FGD5: variants seen among roughly 807,000 people sequenced by gnomAD.
FGD5 encodes FYVE, RhoGEF and PH domain-containing protein 5.
A neutral mutation model predicts 133.4 loss-of-function variants in FGD5; 28 were observed. The observed-to-expected ratio is 0.21, with a 90% confidence interval of 0.16 to 0.29. FGD5 has a LOEUF of 0.29. Among genes scored for constraint, FGD5 ranks in the 10% least tolerant of loss-of-function variants. The pLI is 1.00. For missense variants in FGD5, 1,858 were observed against 1,895.2 expected (o/e 0.98, Z 0.36); for synonymous variants, 810 against 776.5 (o/e 1.04, Z -0.72).
Position 14,922,953 on chromosome 3 carries a change from G to T in FGD5, c.3808-93G>T. ...AACCTGGGGCTCCCTAGGGGCAGTT[G>T]TGGGTGGATTAGCAGAGGGAGCGGA... On this transcript the variant is annotated intron_variant, in intron 15 of 19. Coordinates refer to ENST00000285046, the MANE Select transcript of FGD5 (RefSeq NM_152536.4). This position sits in a 1 kb window ranked among gnomAD's most constrained non-coding sequence, Gnocchi z 4.1. 2 of 1,566,796 alleles carry T rather than the reference G, an allele frequency of 1.3e-6. No individual in the cohort carries two copies. The highest frequency in any genetic ancestry group is 1.1e-5 in the South Asian group (1 of 87,424).
intron 4 of FGD5, among the ~76,000 whole-genome samples, chr3:14,892,542 G>T: frequency 6.6e-6 from 1 of 152,188 alleles, no homozygotes; most frequent in East Asian, 1.9e-4. Context: ...AGCAGGCCGG[G>T]CGCGGTGGCT....
Position 14,821,374 on chromosome 3 carries a change from G to A in FGD5, c.2303G>A (p.Ser768Asn). 6.2e-7 allele frequency: 1 copy of A among 1,613,970 alleles called. No individual in the cohort carries two copies. Among genetic ancestry groups the A allele is most frequent in the Non-Finnish European group, 8.5e-7 (1 of 1,179,898 alleles). ...AAGCCACGGTCCATCTCCTTCCCCA[G>A]CGCTGACACTTCAGACTATGAGAAC... The part of the protein sequence containing the change: ...LTKPRSISFP[S>N]ADTSDYENIP... The change falls in exon 1 of 20, where the codon AGC becomes AAC. Residue 768 changes from serine (S) to asparagine (N), a missense_variant. Physicochemically the swap from Ser to Asn is conservative, Grantham distance 46. Coordinates refer to ENST00000285046, the MANE Select transcript of FGD5 (RefSeq NM_152536.4).
intron 17 of FGD5, among the ~76,000 whole-genome samples, chr3:14,925,182 G>A (rs2038776440): frequency 6.8e-6 from 1 of 147,346 alleles, no homozygotes; most frequent in South Asian, 2.2e-4. Context: ...CACATATGAT[G>A]AAAAGTGAGT....
intron 2 of FGD5, 49 bp from the exon 3 acceptor site, chr3:14,880,523 A>G (rs776486006): frequency 1.9e-6 from 3 of 1,592,742 alleles, no homozygotes; most frequent in Admixed American, 1.7e-5. Flanking sequence ...GGCCTCCTCT[A>G]GAAACCACTG....
intron 4 of FGD5, among the ~76,000 whole-genome samples, chr3:14,888,017 T>G (rs951230117): frequency 6.6e-6 from 1 of 151,768 alleles, no homozygotes; most frequent in East Asian, 1.9e-4. Flanking sequence ...AAAAAAATTT[T>G]TTTTTAGCCA....
chr3:14,893,522 A>AT (rs1461370950), intron 4 of FGD5, among the ~76,000 whole-genome samples: 1 of 151,924 alleles, frequency 6.6e-6, no homozygotes, highest in Non-Finnish European at 1.5e-5. Flanking sequence ...AACCTTTTAA[A>AT]TTTTTTGTAA....
rs2036451307 is a variant in FGD5, at chr3:14,820,023, G to A, written c.952G>A (p.Asp318Asn). The A allele has an allele frequency of 6.2e-7, 1 of 1,614,020 alleles. No homozygotes were observed. The highest frequency in any genetic ancestry group is 8.5e-7 in the Non-Finnish European group (1 of 1,179,884). ...AAATLEDHAQ[D>N]ESAEESCQIV... ...CGCCACCCTGGAGGACCATGCACAG[G>A]ATGAGTCCGCCGAGGAGAGCTGCCA... The change falls in exon 1 of 20, where the codon GAT (aspartate) becomes AAT (asparagine). Residue 318 changes from aspartate (D) to asparagine (N), a missense_variant. Asp to Asn is a conservative substitution (Grantham distance 23). This residue lies in a region of FGD5 where 1,824 missense variants were observed against 1,848.9 expected (regional missense o/e 0.99). Transcript: ENST00000285046.
At chr3:14,851,303 C>A (rs2037159175) in intron 1 of FGD5, among the ~76,000 whole-genome samples, 1 of 152,200 alleles carries the variant, frequency 6.6e-6, no homozygotes, top group African/African-American at 2.4e-5. Context: ...GGACTGATAT[C>A]ATCTCCATGT....
rs2038933516 is a variant in FGD5 at position 14,933,500 on chromosome 3, C to T, written c.*333C>T. 1 of 290,298 alleles carries T rather than the reference C, an allele frequency of 3.4e-6. No homozygotes were observed. The highest frequency in any genetic ancestry group is 2.2e-5 in the African/African-American group (1 of 46,378). The allele number at this position is 290,298 out of a possible 1,614,324, so 18.0% of individuals were successfully genotyped here. On this transcript the variant is annotated 3_prime_UTR_variant, in exon 20 of 20. Coordinates refer to ENST00000285046, the MANE Select transcript of FGD5 (RefSeq NM_152536.4). ...CCAATGAAAAGTACATTTAGAAATG[C>T]AGGCTTTTTAGTAGAAAGAAGCTCT...
chr3:14,916,508 C>T (rs1027974464), intron 11 of FGD5, among the ~76,000 whole-genome samples: 3 of 152,216 alleles, frequency 2.0e-5, no homozygotes, highest in Non-Finnish European at 4.4e-5. Context: ...CCCACCACTT[C>T]CCTGTCCTCA....
intron 5 of FGD5, 99 bp downstream of exon 5, chr3:14,897,768 G>A: frequency 1.4e-6 from 2 of 1,465,960 alleles, no homozygotes; most frequent in Non-Finnish European, 1.8e-6. Flanking sequence ...CCATTTGATT[G>A]ATGGGAAAGC....
intron 2 of FGD5, among the ~76,000 whole-genome samples, chr3:14,872,670 A>G (rs545077505): frequency 9.2e-5 from 14 of 152,360 alleles, no homozygotes; most frequent in Admixed American, 2.6e-4. Context: ...ACTTAAATGT[A>G]TTACAGTTAG....
chr3:14,910,827 G>C, intron 10 of FGD5, 34 bp from the exon 11 acceptor site: 1 of 1,603,224 alleles, frequency 6.2e-7, no homozygotes, highest in Non-Finnish European at 8.5e-7. Flanking sequence ...GGGGGCATCA[G>C]CCTGACCGCC....
At chr3:14,812,117 C>T (rs2036304933) in intron 1 of FGD5, among the ~76,000 whole-genome samples, 1 of 152,062 alleles carries the variant, frequency 6.6e-6, no homozygotes. Flanking sequence ...GAGGTGCAGG[C>T]TGCGCGTTTA....
At chr3:14,878,974 TG>T (rs2037775334) in intron 2 of FGD5, among the ~76,000 whole-genome samples, 1 of 152,214 alleles carries the variant, frequency 6.6e-6, no homozygotes, top group Admixed American at 6.5e-5. Flanking sequence ...CCCAAAGTGC[TG>T]GGATTACAGG....
intron 4 of FGD5, among the ~76,000 whole-genome samples, chr3:14,894,505 C>CTTTTTTTTTTTT (rs55912541): frequency 1.6e-5 from 2 of 127,222 alleles, no homozygotes; most frequent in Non-Finnish European, 3.3e-5. Flanking sequence ...TTTGTTAGTT[C>CTTTTTTTTTTTT]TTTTTTTTTT....
intron 1 of FGD5, among the ~76,000 whole-genome samples, chr3:14,847,148 C>T (rs2037066597): frequency 6.6e-6 from 1 of 152,148 alleles, no homozygotes; most frequent in African/African-American, 2.4e-5. Context: ...ACTTTCAGGG[C>T]TTATCCTCGA....
intron 18 of FGD5, among the ~76,000 whole-genome samples, 165 bp downstream of exon 18, chr3:14,926,363 G>A (rs562887178): frequency 2.0e-5 from 3 of 152,358 alleles, no homozygotes; most frequent in African/African-American, 4.8e-5. Flanking sequence ...CAATGTTGCT[G>A]TGGCTACACA....
At position 14,917,828 on chromosome 3, in the gene FGD5, C is replaced by T. The variant is rs1230258494; in HGVS notation, c.3489+496C>T. On this transcript the variant is annotated intron_variant, in intron 12 of 19. Transcript: ENST00000285046. The surrounding 1 kb of genome is among the most constrained non-coding windows in gnomAD (Gnocchi z 4.1). The stretch of plus-strand genomic sequence containing the variant: ...CTGCCCACATTAAAAACCAACTCTC[C>T]ATTCCCCTCCTTCTCAGCCCCTGGC... 6.6e-6 allele frequency among the ~76,000 whole-genome samples: 1 copy of T among 152,200 alleles called. No homozygotes were observed. The highest frequency in any genetic ancestry group is 6.5e-5 in the Admixed American group (1 of 15,278).
Sources: gnomAD v4.1 joint callset for allele counts (sites outside exome capture counted in the v4.1 genomes callset) on GRCh38, gnomAD v4.1.1 for gene constraint, gnomAD v4.1.1 regional missense constraint, Gnocchi (gnomAD v3.1) non-coding constraint, MANE v1.5 for transcripts, NCBI Gene and HGNC (gene_info 2026-07-23, HGNC 2026-07-21) for gene names.